The following RGP1 variants were observed in gnomAD, a reference collection of about 807,000 sequenced individuals.
RGP1 encodes the protein RGP1 partner of RAB6A GEF complex, also known as RAB6A-GEF complex partner protein 2.
RGP1 carries 28 observed loss-of-function variants against 44.5 expected under a neutral mutation model. The ratio of observed to expected loss-of-function variants is 0.63; its 90% CI spans 0.47 to 0.86. The LOEUF is 0.86. Among genes scored for constraint, RGP1 ranks in the 40% least tolerant of loss-of-function variants. RGP1 has a pLI of 0.00. For synonymous variants in RGP1, 212 were observed against 196.7 expected (o/e 1.08, Z -0.65); for missense variants, 417 against 490.7 (o/e 0.85, Z 1.42).
At position 35,755,646 on chromosome 9, in the gene RGP1, A is replaced by G. The variant is rs1009029577; in HGVS notation, c.*2772A>G. The G allele has an allele frequency of 3.3e-5, 5 of 152,204 alleles. No homozygotes were observed. Among genetic ancestry groups the G allele is most frequent in the Admixed American group, 2.0e-4 (3 of 15,278 alleles). The allele number at this position is 152,204 out of a possible 1,614,324, so 9.4% of individuals were successfully genotyped here. On this transcript the variant is annotated 3_prime_UTR_variant, in exon 9 of 9. Coordinates refer to ENST00000378078, the MANE Select transcript of RGP1 (RefSeq NM_001080496.3). Reference sequence around the variant, plus strand: ...TAGATCCCTTGCATGCGGAGTTCACAGTGGGGTTTGCACTCCTGTGAGAAT... The same window carrying G: ...TAGATCCCTTGCATGCGGAGTTCACGGTGGGGTTTGCACTCCTGTGAGAAT...
chr9:35,763,703 G>A, the RGP1 span, among the ~76,000 whole-genome samples: 2 of 151,986 alleles, frequency 1.3e-5, no homozygotes, highest in Non-Finnish European at 2.9e-5. Context: ...CCAACATGGC[G>A]AAACCCTGTC....
At chr9:35,752,629 C>T (rs576703394) in intron 8 of RGP1, 22 bp from the exon 9 acceptor site, 26 of 1,574,630 alleles carry the variant, frequency 1.7e-5, no homozygotes, top group Non-Finnish European at 1.8e-5. Flanking sequence ...GATGCTTCTA[C>T]CTTAATCTTT....
In RGP1 at chr9:35,754,119, C is replaced by T; in HGVS notation, c.*1245C>T. On this transcript the variant is annotated 3_prime_UTR_variant, in exon 9 of 9. Transcript: ENST00000378078. ...CTTGGCCTGTCCAGCCCAGAGCATCCTTAGGGCCATTGCTGCTGCACAGCC... is the reference window on the plus strand; with the variant it reads ...CTTGGCCTGTCCAGCCCAGAGCATCTTTAGGGCCATTGCTGCTGCACAGCC... 1.2e-6 allele frequency: 2 copies of T among 1,612,974 alleles called. No individual in the cohort carries two copies. The highest frequency in any genetic ancestry group is 1.7e-6 in the Non-Finnish European group (2 of 1,179,364).
the RGP1 span, among the ~76,000 whole-genome samples, chr9:35,773,989 T>A: frequency 6.6e-6 from 1 of 152,168 alleles, no homozygotes; most frequent in African/African-American, 2.4e-5. Flanking sequence ...TTTCTGAAGA[T>A]CTTTTTATAT....
In RGP1 at chr9:35,749,810, G is replaced by A; in HGVS notation, c.55G>A (p.Ala19Thr). 6.2e-7 allele frequency: 1 copy of A among 1,614,010 alleles called. No homozygotes were observed. The highest frequency in any genetic ancestry group is 8.5e-7 in the Non-Finnish European group (1 of 1,179,886). ...SRGPVFLAGE[A>T]LECVVTVTNP... ...GGGTCCTGTATTTTTGGCTGGGGAG[G>A]CGCTGGAGTGTGTAGTGACCGTCAC... Residue 19 changes from alanine to threonine, a missense_variant, in exon 2 of 9, where the codon GCG (alanine) becomes ACG (threonine). Transcript: ENST00000378078. The surrounding 1 kb of genome is among the most constrained non-coding windows in gnomAD (Gnocchi z 4.4).
At chr9:35,752,544 C>T (rs1287455582) in intron 8 of RGP1, 107 bp from the exon 9 acceptor site, 10 of 1,024,860 alleles carry the variant, frequency 9.8e-6, no homozygotes, top group Non-Finnish European at 1.3e-5. Context: ...TTTTCCCTGT[C>T]TTCCTGAACA....
downstream of RGP1, among the ~76,000 whole-genome samples, chr9:35,759,998 G>C (rs1457349142): frequency 6.6e-6 from 1 of 151,226 alleles, no homozygotes; most frequent in Non-Finnish European, 1.5e-5. Flanking sequence ...GTCCACTGAG[G>C]GGCAGCATTG....
chr9:35,765,395 G>T, the RGP1 span, among the ~76,000 whole-genome samples: 7 of 151,902 alleles, frequency 4.6e-5, no homozygotes, highest in African/African-American at 1.7e-4. Flanking sequence ...AGTGGCTCAT[G>T]CCTGTAATCC....
At chr9:35,767,283 GTTTTT>G in the RGP1 span, among the ~76,000 whole-genome samples, 2 of 108,430 alleles carry the variant, frequency 1.8e-5, no homozygotes, top group Non-Finnish European at 1.8e-5. Context: ...AAGCAAATTG[GTTTTT>G]TTTTTTTTTT....
the RGP1 span, among the ~76,000 whole-genome samples, chr9:35,764,043 T>C: frequency 6.6e-6 from 1 of 151,514 alleles, no homozygotes; most frequent in Non-Finnish European, 1.5e-5. Context: ...GGCTTGAGGC[T>C]AGGAGGTTGA....
At chr9:35,789,976 A>G in the RGP1 span, among the ~76,000 whole-genome samples, 2 of 152,264 alleles carry the variant, frequency 1.3e-5, no homozygotes, top group Non-Finnish European at 2.9e-5. Flanking sequence ...TGATCCTCTT[A>G]GCCCTGCCAT....
the RGP1 span, among the ~76,000 whole-genome samples, chr9:35,775,870 T>C: frequency 8.5e-5 from 13 of 152,196 alleles, no homozygotes; most frequent in Admixed American, 2.6e-4. Context: ...CCCCTAATAA[T>C]TACCATAATA....
chr9:35,770,367 C>T, the RGP1 span, among the ~76,000 whole-genome samples: 1 of 152,224 alleles, frequency 6.6e-6, no homozygotes, highest in South Asian at 2.1e-4. Flanking sequence ...TCTTACAAGA[C>T]CATCAAGTGA....
the RGP1 span, among the ~76,000 whole-genome samples, chr9:35,764,667 C>A: frequency 6.6e-6 from 1 of 152,134 alleles, no homozygotes; most frequent in Non-Finnish European, 1.5e-5. Context: ...CCTTATTACC[C>A]TTTGCATTTA....
At chr9:35,786,838 G>GT in the RGP1 span, 3 of 152,102 alleles carry the variant, frequency 2.0e-5, no homozygotes, top group South Asian at 6.2e-4. Flanking sequence ...GCTCACGCCT[G>GT]TAATCCCAGC....
chr9:35,780,841 C>T, the RGP1 span, among the ~76,000 whole-genome samples: 2 of 151,990 alleles, frequency 1.3e-5, no homozygotes, highest in African/African-American at 4.8e-5. Flanking sequence ...TGCAGTGAGC[C>T]AAGATGGCGC....
At position 35,750,266 on chromosome 9, in the gene RGP1, C is replaced by A; in HGVS notation, c.140C>A (p.Ala47Asp). The part of the protein sequence containing the change: ...ASSEALAWAS[A>D]QIHCQFHASE... The stretch of plus-strand genomic sequence containing the variant: ...AGTGAGGCCCTGGCCTGGGCCAGTG[C>A]CCAAATCCACTGCCAGTTCCATGCC... Residue 47 changes from alanine (A) to aspartate (D), a missense_variant, in exon 3 of 9, where the codon GCC (alanine) becomes GAC (aspartate). Physicochemically the swap from Ala to Asp is moderately radical, Grantham distance 126. Transcript: ENST00000378078. The A allele has an allele frequency of 6.2e-7, 1 of 1,613,770 alleles. No individual in the cohort carries two copies. The highest frequency in any genetic ancestry group is 1.1e-5 in the South Asian group (1 of 91,070).
chr9:35,775,246 C>T, the RGP1 span, among the ~76,000 whole-genome samples: 4 of 152,132 alleles, frequency 2.6e-5, no homozygotes, highest in Admixed American at 6.5e-5. Context: ...GCATTTAATC[C>T]AGAGAATTAG....
At chr9:35,787,937 TC>T in the RGP1 span, among the ~76,000 whole-genome samples, 1 of 152,178 alleles carries the variant, frequency 6.6e-6, no homozygotes, top group Non-Finnish European at 1.5e-5. Context: ...GCTAGTCAGG[TC>T]AGCAGAGAAG....
Sources: allele counts gnomAD v4.1 joint callset (sites outside exome capture counted in the v4.1 genomes callset), GRCh38; gene constraint gnomAD v4.1.1; non-coding constraint Gnocchi (gnomAD v3.1); transcripts MANE v1.5; gene names NCBI Gene and HGNC (gene_info 2026-07-23, HGNC 2026-07-21).